The following CALD1 variants were observed in gnomAD, a reference collection of about 807,000 sequenced individuals.
CALD1 encodes caldesmon 1.
A neutral mutation model predicts 99.9 loss-of-function variants in CALD1; 33 were observed. The ratio of observed to expected loss-of-function variants is 0.33; its 90% CI spans 0.25 to 0.44. The LOEUF (loss-of-function observed/expected upper bound fraction) is 0.44. Ranked by LOEUF, CALD1 falls within the 20% of genes least tolerant of loss-of-function variation. The probability of loss-of-function intolerance (pLI) is 1.00; values close to 1 mark genes in which losing one functional copy is unlikely to be tolerated. For missense variants in CALD1, 861 were observed against 962.1 expected (o/e 0.89, Z 1.39); for synonymous variants, 310 against 325.0 (o/e 0.95, Z 0.50).
chr7:134,790,629 G>C (rs901465626), intron 1 of CALD1, among the ~76,000 whole-genome samples: 1 of 152,174 alleles, frequency 6.6e-6, no homozygotes, highest in Admixed American at 6.5e-5. Flanking sequence ...CTATTGACTG[G>C]AGAGGTTGCT....
chr7:134,928,685 C>T, intron 3 of CALD1, 69 bp from the exon 4 acceptor site: 1 of 1,494,002 alleles, frequency 6.7e-7, no homozygotes, highest in Admixed American at 1.9e-5. Context: ...CAGGGCTGTT[C>T]CTGCCAAGAG....
At chr7:134,864,404 C>CT (rs34915812) in intron 2 of CALD1, among the ~76,000 whole-genome samples, 94,605 of 142,400 alleles carry the variant, frequency 0.66, 31,591 homozygotes, top group East Asian at 0.92. Flanking sequence ...TTTTTCTTTC[C>CT]TTTTTTTTTT....
intron 1 of CALD1, among the ~76,000 whole-genome samples, chr7:134,808,702 G>C (rs910761921): frequency 3.9e-5 from 6 of 152,204 alleles, no homozygotes; most frequent in Non-Finnish European, 5.9e-5. Flanking sequence ...GCCTGGTGAA[G>C]CATTATTTCT....
chr7:134,857,594 TAAAG>T (rs752213415), intron 2 of CALD1, among the ~76,000 whole-genome samples: 21 of 152,108 alleles, frequency 1.4e-4, no homozygotes, highest in East Asian at 3.8e-4. Flanking sequence ...TATCTAAATA[TAAAG>T]AAAGAGGAAG....
chr7:134,946,045 C>A (rs1347136979), intron 7 of CALD1, among the ~76,000 whole-genome samples: 2 of 152,082 alleles, frequency 1.3e-5, no homozygotes, highest in Non-Finnish European at 2.9e-5. Context: ...CCAGGCAGAC[C>A]CAAGTTAACC....
chr7:134,731,169 A>C, the CALD1 span, among the ~76,000 whole-genome samples: 1 of 151,380 alleles, frequency 6.6e-6, no homozygotes, highest in South Asian at 2.1e-4. Context: ...GCTCTTCCAC[A>C]CTCTCTCTCT....
At chr7:134,836,115 G>A (rs116967987) in intron 1 of CALD1, among the ~76,000 whole-genome samples, 3,952 of 149,398 alleles carry the variant, frequency 0.026, 89 homozygotes, top group Middle Eastern at 0.05. Context: ...ACTGCACTCC[G>A]GCCTGGTGAC....
chr7:134,938,570 C>T (rs974785581), intron 6 of CALD1, among the ~76,000 whole-genome samples: 1 of 152,042 alleles, frequency 6.6e-6, no homozygotes, highest in Non-Finnish European at 1.5e-5. Context: ...AACAGTCTGA[C>T]CTATAAGATC....
the CALD1 span, among the ~76,000 whole-genome samples, chr7:134,714,877 C>G: frequency 1.3e-5 from 2 of 152,076 alleles, no homozygotes; most frequent in South Asian, 2.1e-4. Context: ...GCAGCTAGGG[C>G]AAGTACAGGT....
At chr7:134,745,628 A>C (rs916583961) in intron 1 of CALD1, 1 of 152,224 alleles carries the variant, frequency 6.6e-6, no homozygotes, top group Admixed American at 6.5e-5. Flanking sequence ...TTAAATTCCA[A>C]GGGGCAATTG....
the CALD1 span, among the ~76,000 whole-genome samples, chr7:134,726,795 A>G: frequency 6.6e-6 from 1 of 152,314 alleles, no homozygotes; most frequent in East Asian, 1.9e-4. Context: ...GAAATTGAAC[A>G]GGGACAAATG....
upstream of CALD1, among the ~76,000 whole-genome samples, chr7:134,740,490 G>A (rs1255284681): frequency 6.6e-6 from 1 of 152,204 alleles, no homozygotes; most frequent in South Asian, 2.1e-4. Flanking sequence ...GATGTGAAAA[G>A]GCCCTGGGGG....
Position 134,831,938 on chromosome 7 carries a change from G to A in CALD1, c.-129-11946G>A, listed in dbSNP as rs1213090664. ...AGAACAGGAAAGAAAGGCGCGCTTG[G>A]AAGACATCCAAGCAGGCACGTGAGT... On this transcript the variant is annotated intron_variant, in intron 1 of 14. Transcript: ENST00000361675. Among the ~76,000 whole-genome samples the A allele has an allele frequency of 3.9e-5, 6 of 152,318 alleles. No individual in the cohort carries two copies. The South Asian group carries it at 8.3e-4, about 21-fold the overall frequency.
At chr7:134,810,448 G>A (rs2131917680) in intron 1 of CALD1, among the ~76,000 whole-genome samples, 1 of 152,226 alleles carries the variant, frequency 6.6e-6, no homozygotes, top group Non-Finnish European at 1.5e-5. Flanking sequence ...CTCACTATTA[G>A]TAGGGTACAT....
At chr7:134,871,500 G>A (rs1034243156) in intron 3 of CALD1, among the ~76,000 whole-genome samples, 4 of 152,076 alleles carry the variant, frequency 2.6e-5, no homozygotes, top group Non-Finnish European at 5.9e-5. Flanking sequence ...TAACAGTGTT[G>A]GGAAGTGTGT....
At chr7:134,751,756 G>A (rs1417176135) in intron 1 of CALD1, among the ~76,000 whole-genome samples, 4 of 152,032 alleles carry the variant, frequency 2.6e-5, no homozygotes, top group Non-Finnish European at 5.9e-5. Context: ...GCAGTGAATC[G>A]CTTGAGCTCA....
In CALD1 at chr7:134,773,534, G is replaced by A. The variant is rs568600850; in HGVS notation, c.-130+29171G>A. Among the ~76,000 whole-genome samples, 28 of 151,842 alleles carry A rather than the reference G, an allele frequency of 1.8e-4. No individual in the cohort carries two copies. In the South Asian group the frequency reaches 5.8e-3, roughly 32 times the overall value. ...TTCTTCTCAGCCTCCCAAAGGGCTG[G>A]GATTACAGGCATGAACCACCGTGCC... On this transcript the variant is annotated intron_variant, in intron 1 of 13. Transcript: ENST00000417172.
rs34569036 is a variant in CALD1 at position 134,757,106 on chromosome 7, C to CTTT, written c.-130+12750_-130+12752dup. Among the ~76,000 whole-genome samples the CTTT allele has an allele frequency of 7.4e-4, 111 of 150,584 alleles. 1 individual carries two copies. Among genetic ancestry groups the CTTT allele is most frequent in the South Asian group, 7.0e-3 (33 of 4,746 alleles). On this transcript the variant is annotated intron_variant, in intron 1 of 13. Transcript: ENST00000417172. ...GAGTCAATTTAGTTTTTTTCTTGGG[C>CTTT]TTTTTTTTTAAGCCTGAGACACTTA...
intron 1 of CALD1, chr7:134,821,864 AGCCACTGTGCCCC>A (rs1200816585): frequency 2.6e-5 from 4 of 152,168 alleles, no homozygotes; most frequent in African/African-American, 7.2e-5. Context: ...TACAGGCGTG[AGCCACTGTGCCCC>A]GCCAAGAGTC....
Sources: gnomAD v4.1 joint callset for allele counts (sites outside exome capture counted in the v4.1 genomes callset) on GRCh38, gnomAD v4.1.1 for gene constraint, MANE v1.5 for transcripts, NCBI Gene and HGNC (gene_info 2026-07-23, HGNC 2026-07-21) for gene names.